The following TAFA2 variants were observed in gnomAD, a reference collection of about 807,000 sequenced individuals.
TAFA2 encodes the protein chemokine-like protein TAFA-2.
Under a neutral mutation model 18.8 loss-of-function variants are expected in TAFA2, and 7 were observed. The observed-to-expected ratio is 0.37, with a 90% confidence interval of 0.21 to 0.70. TAFA2 has a LOEUF of 0.70. Among genes scored for constraint, TAFA2 ranks in the 30% least tolerant of loss-of-function variants. The probability of loss-of-function intolerance (pLI) is 0.53; values close to 1 mark genes in which losing one functional copy is unlikely to be tolerated. For synonymous variants in TAFA2, 60 were observed against 54.2 expected (o/e 1.11, Z -0.47); for missense variants, 122 against 158.1 (o/e 0.77, Z 1.23).
At chr12:61,939,934 G>A (rs1877928639) in intron 1 of TAFA2, among the ~76,000 whole-genome samples, 1 of 152,160 alleles carries the variant, frequency 6.6e-6, no homozygotes, top group Non-Finnish European at 1.5e-5. Context: ...TCCACCTACA[G>A]AGAAACATGA....
intron 1 of TAFA2, among the ~76,000 whole-genome samples, chr12:62,159,992 C>T (rs1188797760): frequency 6.6e-6 from 1 of 151,946 alleles, no homozygotes; most frequent in Non-Finnish European, 1.5e-5. Context: ...TGTATTTTAG[C>T]TTCTCCTCTC....
At chr12:62,207,707 T>A (rs961008434) in intron 1 of TAFA2, among the ~76,000 whole-genome samples, 31 of 152,300 alleles carry the variant, frequency 2.0e-4, no homozygotes, top group African/African-American at 7.2e-4. Context: ...TTCTCCACAA[T>A]GTTATACTCA....
At chr12:62,005,146 T>C (rs1344803175) in intron 1 of TAFA2, among the ~76,000 whole-genome samples, 3 of 152,112 alleles carry the variant, frequency 2.0e-5, no homozygotes, top group South Asian at 2.1e-4. Context: ...TATTGTATCA[T>C]ATACTAGAAA....
At chr12:61,715,909 T>C (rs763614534) in intron 4 of TAFA2, among the ~76,000 whole-genome samples, 1 of 151,850 alleles carries the variant, frequency 6.6e-6, no homozygotes, top group Non-Finnish European at 1.5e-5. Flanking sequence ...ACAATGAGAC[T>C]GTCTAAAAAA....
At chr12:62,033,445 A>T (rs1382151736) in intron 1 of TAFA2, among the ~76,000 whole-genome samples, 2 of 152,288 alleles carry the variant, frequency 1.3e-5, no homozygotes, top group East Asian at 1.9e-4. Flanking sequence ...CCTACATTTG[A>T]TCAGATCCCA....
chr12:61,741,306 G>GTGTA (rs1555160233), intron 4 of TAFA2, among the ~76,000 whole-genome samples: 5 of 151,660 alleles, frequency 3.3e-5, no homozygotes, highest in African/African-American at 1.2e-4. Context: ...GTGTGTGTAT[G>GTGTA]TGTCTCCATC....
chr12:61,981,600 A>G (rs1316912703), intron 1 of TAFA2, among the ~76,000 whole-genome samples: 2 of 152,238 alleles, frequency 1.3e-5, no homozygotes, highest in Non-Finnish European at 2.9e-5. Flanking sequence ...AAAGAACTCA[A>G]ACAAATTTAC....
At chr12:62,059,129 A>ATGTGTGTGTG (rs1565730990) in intron 1 of TAFA2, among the ~76,000 whole-genome samples, 23 of 76,872 alleles carry the variant, frequency 3.0e-4, no homozygotes, top group African/African-American at 1.1e-3. Context: ...ATATATATAT[A>ATGTGTGTGTG]TGTGTGTATA....
chr12:61,857,925 AT>A (rs1873955532), intron 2 of TAFA2, among the ~76,000 whole-genome samples: 1 of 152,094 alleles, frequency 6.6e-6, no homozygotes, highest in Non-Finnish European at 1.5e-5. Context: ...GAAGCCATCT[AT>A]TTTTTTCCTG....
At chr12:62,062,431 T>A (rs1592312745) in intron 1 of TAFA2, among the ~76,000 whole-genome samples, 1 of 152,140 alleles carries the variant, frequency 6.6e-6, no homozygotes, top group Non-Finnish European at 1.5e-5. Flanking sequence ...GCCTTCCTCA[T>A]GCTGCAGCTG....
At chr12:62,051,717 T>C (rs1303045500) in intron 1 of TAFA2, among the ~76,000 whole-genome samples, 1 of 151,508 alleles carries the variant, frequency 6.6e-6, no homozygotes. Flanking sequence ...AGGAGAGAGG[T>C]GACAGGTGTG....
chr12:61,749,109 T>TACAA (rs770983852), intron 4 of TAFA2, among the ~76,000 whole-genome samples: 3,291 of 122,106 alleles, frequency 0.027, 134 homozygotes, highest in African/African-American at 0.096. Context: ...TTACTAAAAA[T>TACAA]AAAAAAAAAA....
At chr12:61,939,364 C>A (rs1046605157) in intron 1 of TAFA2, among the ~76,000 whole-genome samples, 1 of 152,068 alleles carries the variant, frequency 6.6e-6, no homozygotes, top group African/African-American at 2.4e-5. Flanking sequence ...ATTATTAAGG[C>A]TAAAATCTTG....
intron 1 of TAFA2, among the ~76,000 whole-genome samples, chr12:62,108,720 C>T (rs1193558987): frequency 2.0e-5 from 3 of 152,174 alleles, no homozygotes; most frequent in Non-Finnish European, 4.4e-5. Flanking sequence ...TTTTGATTTG[C>T]ATTTCTCTAA....
chr12:61,928,936 C>T (rs958498627), intron 1 of TAFA2, among the ~76,000 whole-genome samples: 1 of 152,048 alleles, frequency 6.6e-6, no homozygotes, highest in African/African-American at 2.4e-5. Flanking sequence ...CATGTTCTCA[C>T]TCAAAAGTGG....
At chr12:62,091,430 A>G (rs1051311372) in intron 1 of TAFA2, among the ~76,000 whole-genome samples, 2 of 151,992 alleles carry the variant, frequency 1.3e-5, no homozygotes, top group Non-Finnish European at 2.9e-5. Flanking sequence ...TAATGTCTAT[A>G]CTTAAATACA....
chr12:62,147,326 G>GTATATATATATATATATATA (rs1219861920), intron 1 of TAFA2, among the ~76,000 whole-genome samples: 1 of 19,562 alleles, frequency 5.1e-5, no homozygotes, highest in African/African-American at 1.2e-4. Context: ...GTGTATGTAT[G>GTATATATATATATATATATA]TATATATATA....
intron 1 of TAFA2, among the ~76,000 whole-genome samples, chr12:62,000,267 A>G (rs1880336743): frequency 6.8e-6 from 1 of 147,234 alleles, no homozygotes; most frequent in Admixed American, 7.2e-5. Context: ...TCCTAACTAT[A>G]TTAAGAGGAG....
In TAFA2 at chr12:62,165,196, G is replaced by T. The variant is rs117241916; in HGVS notation, c.-2+26063C>A. 2.1e-4 allele frequency among the ~76,000 whole-genome samples: 32 copies of T among 152,090 alleles called. No homozygotes were observed. The East Asian group carries it at 6.2e-3, about 29-fold the overall frequency. ...TTTCAGAATCTGATGGCCTTTCCCA[G>T]CCCTCTCTTCTTTTAACCTTTCTGC... is the stretch of plus-strand genomic sequence containing the variant. On this transcript the variant is annotated intron_variant, in intron 1 of 4. Transcript: ENST00000416284.
Sources: gnomAD v4.1 joint callset for allele counts (sites outside exome capture counted in the v4.1 genomes callset) on GRCh38, gnomAD v4.1.1 for gene constraint, MANE v1.5 for transcripts, NCBI Gene and HGNC (gene_info 2026-07-23, HGNC 2026-07-21) for gene names.